The following CLU variants were observed in gnomAD, a reference collection of about 807,000 sequenced individuals.
The protein encoded by CLU is clusterin.
In CLU, 25 loss-of-function variants were observed where a neutral mutation model predicts 46.4. The observed-to-expected ratio is 0.54, with a 90% CI of 0.39 to 0.75. The LOEUF is 0.75. Among genes scored for constraint, CLU ranks in the 30% least tolerant of loss-of-function variants. The pLI is 0.00. For missense variants in CLU, 504 were observed against 592.1 expected (o/e 0.85, Z 1.54); for synonymous variants, 235 against 235.1 (o/e 1.00, Z 0.00).
intron 4 of CLU, 51 bp from the exon 5 acceptor site, chr8:27,605,386 C>T: frequency 6.3e-7 from 1 of 1,590,752 alleles, no homozygotes; most frequent in East Asian, 2.2e-5. Context: ...AAGGCCACGG[C>T]CTCCTGGCCT....
chr8:27,599,596 T>C lies in CLU; in HGVS notation c.1164+184A>G. 1 of 600,224 alleles carries C rather than the reference T, an allele frequency of 1.7e-6. No homozygotes were observed. The highest frequency in any genetic ancestry group is 2.8e-5 in the East Asian group (1 of 35,546). 37.2% of individuals were successfully genotyped at this position (600,224 alleles called of 1,614,324 possible). ...CCAAGCTGTGGAACCTCTCTTACTTTGCTCCTTTGTAAAGCAGGGTTATAT... is the reference window on the plus strand; with the variant it reads ...CCAAGCTGTGGAACCTCTCTTACTTCGCTCCTTTGTAAAGCAGGGTTATAT... On this transcript the variant is annotated intron_variant, in intron 7 of 8. Coordinates refer to ENST00000316403, the MANE Select transcript of CLU (RefSeq NM_001831.4). This position sits in a 1 kb window ranked among gnomAD's most constrained non-coding sequence, Gnocchi z 4.0.
At chr8:27,614,582 G>A in intron 1 of CLU, 73 bp downstream of exon 1, 2 of 448,808 alleles carry the variant, frequency 4.5e-6, no homozygotes, top group Non-Finnish European at 9.2e-6. Flanking sequence ...TCTCTGCCTG[G>A]CTGCCATCCC....
In CLU at chr8:27,597,769, A is replaced by C. The variant is rs1209986597; in HGVS notation, c.*472T>G. ...TATTTTAGTTGGCTTGTTGAAACAC[A>C]TCTCTCTTCCTGAAAGCAAGCAATT... On this transcript the variant is annotated 3_prime_UTR_variant, in exon 9 of 9. Transcript: ENST00000316403. The C allele has an allele frequency of 2.2e-6, 1 of 456,210 alleles. No individual in the cohort carries two copies. The highest frequency in any genetic ancestry group is 4.4e-6 in the Non-Finnish European group (1 of 228,370). 28.3% of individuals were successfully genotyped at this position (456,210 alleles called of 1,614,324 possible).
At chr8:27,605,569 A>G (rs1800808037) in intron 4 of CLU, among the ~76,000 whole-genome samples, 1 of 152,212 alleles carries the variant, frequency 6.6e-6, no homozygotes, top group African/African-American at 2.4e-5. Context: ...AGGCCCCAAA[A>G]GTCACAAGGC....
chr8:27,599,486 ACAAC>A lies in CLU; in HGVS notation c.1164+290_1164+293del. On this transcript the variant is annotated intron_variant, in intron 7 of 8. Transcript: ENST00000316403. This position sits in a 1 kb window ranked among gnomAD's most constrained non-coding sequence, Gnocchi z 4.0. ...CACAGATTTGTGCACCAAAACAAAA[ACAAC>A]AACAACAAAATACAGGCTTGGCAGC... 1 of 420,852 alleles carries A rather than the reference ACAAC, an allele frequency of 2.4e-6. No homozygotes were observed. The highest frequency in any genetic ancestry group is 4.4e-6 in the Non-Finnish European group (1 of 226,902). The allele number at this position is 420,852 out of a possible 1,614,324, so 26.1% of individuals were successfully genotyped here.
chr8:27,609,522 A>G (rs1679631228), intron 2 of CLU, among the ~76,000 whole-genome samples: 1 of 152,260 alleles, frequency 6.6e-6, no homozygotes, highest in Non-Finnish European at 1.5e-5. Flanking sequence ...ATGCAGTGCC[A>G]GGCGACAGGA....
rs933050630 is a variant in CLU, at chr8:27,597,919, C to T, written c.*322G>A. 1.7e-6 allele frequency: 1 copy of T among 587,768 alleles called. No homozygotes were observed. Among genetic ancestry groups the T allele is most frequent in the Non-Finnish European group, 3.2e-6 (1 of 314,906 alleles). The allele number at this position is 587,768 out of a possible 1,614,324, so 36.4% of individuals were successfully genotyped here. A position where few individuals can be genotyped will look rare whatever the true frequency, so the allele number is the denominator to read the frequency against. ...TTGTTTCTACTTATTTTCCATCCCC[C>T]CTGCCTGCCCCCCATAGCAAAATGA... On this transcript the variant is annotated 3_prime_UTR_variant, in exon 9 of 9. Coordinates refer to ENST00000316403, the MANE Select transcript of CLU (RefSeq NM_001831.4).
chr8:27,610,942 C>G (rs1800915684), intron 1 of CLU: 1 of 372,664 alleles, frequency 2.7e-6, no homozygotes, highest in African/African-American at 2.1e-5. Flanking sequence ...ATCCTGGCCT[C>G]CTTGTCCAGA....
rs1348899121 is a variant in CLU at position 27,606,638 on chromosome 8, C to A, written c.247-114G>T. On this transcript the variant is annotated intron_variant, in intron 3 of 8. Coordinates refer to ENST00000316403, the MANE Select transcript of CLU (RefSeq NM_001831.4). Reference sequence around the variant, plus strand: ...AGGGCAGGCCTTCCCATAGGCTGGCCACCCAGCATGCAAGTGCCTACCCTT... The same window carrying A: ...AGGGCAGGCCTTCCCATAGGCTGGCAACCCAGCATGCAAGTGCCTACCCTT... 12 of 1,260,042 alleles carry A rather than the reference C, an allele frequency of 9.5e-6. No individual in the cohort carries two copies. The East Asian group carries it at 2.8e-4, about 29-fold the overall frequency. 78.1% of individuals were successfully genotyped at this position (1,260,042 alleles called of 1,614,324 possible). A position where few individuals can be genotyped will look rare whatever the true frequency, so the allele number is the denominator to read the frequency against.
rs762859453 is a variant in CLU at position 27,605,109 on chromosome 8, C to T, written c.644G>A (p.Arg215Lys). The change falls in exon 5 of 9, where the codon AGG (arginine) becomes AAG (lysine). Residue 215 changes from arginine to lysine, a missense_variant. Coordinates refer to ENST00000316403, the MANE Select transcript of CLU (RefSeq NM_001831.4). ...HYLPFSLPHR[R>K]PHFFFPKSRI... ...GGACTTGGGAAAGAAGAAGTGAGGCCTCCGGTGGGGCAGGCTGAAGGGCAG... is the reference window on the plus strand; with the variant it reads ...GGACTTGGGAAAGAAGAAGTGAGGCTTCCGGTGGGGCAGGCTGAAGGGCAG... 2.5e-6 allele frequency: 4 copies of T among 1,614,128 alleles called. No homozygotes were observed. The Admixed American group carries it at 6.7e-5, about 27-fold the overall frequency.
chr8:27,610,902 GACA>G, intron 1 of CLU: 1 of 398,314 alleles, frequency 2.5e-6, no homozygotes, highest in Non-Finnish European at 4.8e-6. Flanking sequence ...CATCCTCCCC[GACA>G]ATCAGCGAGG....
chr8:27,602,670 G>A (rs959658487), intron 6 of CLU, among the ~76,000 whole-genome samples: 4 of 151,808 alleles, frequency 2.6e-5, no homozygotes, highest in African/African-American at 9.7e-5. Context: ...GGCAGTACGT[G>A]CTTATATGGT....
intron 5 of CLU, among the ~76,000 whole-genome samples, chr8:27,604,644 TTAAG>T (rs1255288240): frequency 6.6e-6 from 1 of 151,966 alleles, no homozygotes; most frequent in East Asian, 1.9e-4. Context: ...GGCTAATTTT[TTAAG>T]TTTTTATTTT....
chr8:27,596,979 C>T lies in CLU; in HGVS notation c.*1262G>A, dbSNP rs1311235730. ...GACATATACTTTACAATTATGATCA[C>T]TTAAGCAAATACCTCTGACCCCATA... On this transcript the variant is annotated 3_prime_UTR_variant, in exon 9 of 9. Transcript: ENST00000316403. 2.9e-5 allele frequency: 13 copies of T among 453,968 alleles called. No individual in the cohort carries two copies. The highest frequency in any genetic ancestry group is 5.7e-5 in the Non-Finnish European group (13 of 226,788). The allele number at this position is 453,968 out of a possible 1,614,324, so 28.1% of individuals were successfully genotyped here. A position where few individuals can be genotyped will look rare whatever the true frequency, so the allele number is the denominator to read the frequency against.
chr8:27,610,505 C>A lies in CLU; in HGVS notation c.67G>T (p.Asp23Tyr). ...AGCTCATTGTCTGAGACCGTCTGGTCCCCCAGGACCTGCCCACTCTCCCAG... is the reference window on the plus strand; with the variant it reads ...AGCTCATTGTCTGAGACCGTCTGGTACCCCAGGACCTGCCCACTCTCCCAG... Reference protein sequence around the residue: ...LTWESGQVLGDQTVSDNELQE... With the variant: ...LTWESGQVLGYQTVSDNELQE... Residue 23 changes from aspartate (D) to tyrosine (Y), a missense_variant, in exon 2 of 9, where the codon GAC (aspartate) becomes TAC (tyrosine). Transcript: ENST00000316403. 1 of 1,614,120 alleles carries A rather than the reference C, an allele frequency of 6.2e-7. No homozygotes were observed. Among genetic ancestry groups the A allele is most frequent in the Non-Finnish European group, 8.5e-7 (1 of 1,179,950 alleles).
Position 27,604,273 on chromosome 8 carries a change from G to T in CLU, c.934+18C>A, listed in dbSNP as rs1242414775. ...AAGGGATCAGGGGGGACGGCTTGTGGTCTGGACCCCGACTCACCCACAGAC... is the reference window on the plus strand; with the variant it reads ...AAGGGATCAGGGGGGACGGCTTGTGTTCTGGACCCCGACTCACCCACAGAC... On this transcript the variant is annotated intron_variant, in intron 6 of 8. Coordinates refer to ENST00000316403, the MANE Select transcript of CLU (RefSeq NM_001831.4). 8 of 1,604,932 alleles carry T rather than the reference G, an allele frequency of 5.0e-6. No homozygotes were observed. Among genetic ancestry groups the T allele is most frequent in the Non-Finnish European group, 6.8e-6 (8 of 1,172,054 alleles).
At chr8:27,611,974 T>A in intron 1 of CLU, 2 of 359,088 alleles carry the variant, frequency 5.6e-6, no homozygotes, top group South Asian at 4.2e-5. Context: ...AAGCAACAAC[T>A]TCTGGAAAAA....
chr8:27,602,782 A>G (rs1365003650), intron 6 of CLU, among the ~76,000 whole-genome samples: 1 of 151,974 alleles, frequency 6.6e-6, no homozygotes, highest in Non-Finnish European at 1.5e-5. Context: ...AATCTATCTC[A>G]GGTCAGGCAC....
chr8:27,598,618 A>G lies in CLU; in HGVS notation c.1182T>C (p.Ser394=). Residue 394 remains serine, a synonymous_variant, in exon 8 of 9, where the codon TCT becomes TCC. Coordinates refer to ENST00000316403, the MANE Select transcript of CLU (RefSeq NM_001831.4). ...TGACACCGGAAGGAACGTCCGAGTC[A>G]GAAGTGTGGGAAGCCACCTAAATGG... The part of the protein sequence containing the change: ...LRVTTVASHT[S]DSDVPSGVTE... 1.9e-6 allele frequency: 3 copies of G among 1,613,818 alleles called. No individual in the cohort carries two copies. Among genetic ancestry groups the G allele is most frequent in the Non-Finnish European group, 2.5e-6 (3 of 1,179,710 alleles).
Sources: allele counts gnomAD v4.1 joint callset (sites outside exome capture counted in the v4.1 genomes callset), GRCh38; gene constraint gnomAD v4.1.1; non-coding constraint Gnocchi (gnomAD v3.1); transcripts MANE v1.5; gene names NCBI Gene and HGNC (gene_info 2026-07-23, HGNC 2026-07-21).